The following NECAB3 variants were observed in gnomAD, a reference collection of about 807,000 sequenced individuals.
NECAB3 encodes the protein N-terminal EF-hand calcium binding protein 3, also known as N-terminal EF-hand calcium-binding protein 3.
NECAB3 carries 38 observed loss-of-function variants against 57.2 expected under a neutral mutation model. The ratio of observed to expected loss-of-function variants is 0.66; its 90% CI spans 0.51 to 0.87. The LOEUF is 0.87. NECAB3 is among the 40% of genes least tolerant of loss of function. NECAB3 has a pLI of 0.00. For missense variants in NECAB3, 474 were observed against 527.5 expected, an observed-to-expected ratio of 0.90 and a Z score of 0.99; for synonymous variants, 223 against 222.6, an observed-to-expected ratio of 1.00 and a Z score of -0.02.
In NECAB3 at chr20:33,663,712, G is replaced by C. The variant is rs745544415; in HGVS notation, c.388-3317C>G. ...GGTACTGCTGCTGCTGCGGCGGCAA[G>C]AGGCGCGGCGGCCGGAAGAGGGCGG... On this transcript the variant is annotated intron_variant, in intron 5 of 11. Coordinates refer to ENST00000246190, the MANE Select transcript of NECAB3 (RefSeq NM_031232.4). 2.6e-6 allele frequency: 4 copies of C among 1,530,000 alleles called. No homozygotes were observed. In the East Asian group the frequency reaches 9.7e-5, roughly 37 times the overall value. The allele number at this position is 1,530,000 out of a possible 1,614,324, so 94.8% of individuals were successfully genotyped here.
intron 1 of NECAB3, among the ~76,000 whole-genome samples, chr20:33,672,883 T>C (rs2017859338): frequency 6.6e-6 from 1 of 152,174 alleles, no homozygotes; most frequent in Non-Finnish European, 1.5e-5. Flanking sequence ...CTCTCTGAGC[T>C]GTTTCCTTGC....
chr20:33,663,234 G>A (rs1026250810), intron 5 of NECAB3: 10 of 472,210 alleles, frequency 2.1e-5, no homozygotes, highest in Non-Finnish European at 3.3e-5. Context: ...CCCTGACATA[G>A]GGCCTGGAAG....
At chr20:33,667,426 T>C (rs2017692219) in intron 5 of NECAB3, 1 of 1,410,452 alleles carries the variant, frequency 7.1e-7, no homozygotes, top group East Asian at 2.7e-5. Context: ...CGACTCGCCG[T>C]TGGCGCCGCC....
intron 5 of NECAB3, chr20:33,668,535 G>A (rs549665236): frequency 8.8e-6 from 3 of 342,568 alleles, no homozygotes; most frequent in South Asian, 2.3e-4. Context: ...ACAGATATGG[G>A]AGTTCCTCCA....
intron 5 of NECAB3, chr20:33,663,668 A>G: frequency 6.4e-7 from 1 of 1,573,094 alleles, no homozygotes; most frequent in South Asian, 1.1e-5. Context: ...GAAGGTAGCG[A>G]GCGCGAGCCG....
intron 5 of NECAB3, chr20:33,667,771 G>C: frequency 1.2e-6 from 2 of 1,612,538 alleles, no homozygotes; most frequent in South Asian, 1.1e-5. Context: ...CCTGGACTTC[G>C]AGGGCGACCT....
intron 5 of NECAB3, chr20:33,663,399 G>C (rs2017542818): frequency 2.0e-6 from 2 of 977,108 alleles, no homozygotes; most frequent in South Asian, 1.7e-5. Flanking sequence ...CCCTGTGCAC[G>C]AGAGGATGAC....
intron 5 of NECAB3, chr20:33,663,595 A>G (rs762199165): frequency 6.2e-7 from 1 of 1,611,244 alleles, no homozygotes; most frequent in Admixed American, 1.7e-5. Flanking sequence ...TGGGCAACGG[A>G]TTGACTACGC....
At position 33,660,344 on chromosome 20, in the gene NECAB3, G is replaced by A. The variant is rs756805849; in HGVS notation, c.439C>T (p.Arg147Trp). The A allele has an allele frequency of 4.3e-6, 7 of 1,613,408 alleles. No homozygotes were observed. The highest frequency in any genetic ancestry group is 1.3e-5 in the African/African-American group (1 of 74,926). Residue 147 changes from arginine to tryptophan, a missense_variant, in exon 6 of 12, where the codon CGG becomes TGG. Arg to Trp is a moderately radical substitution (Grantham distance 101). Coordinates refer to ENST00000246190, the MANE Select transcript of NECAB3 (RefSeq NM_031232.4). The surrounding 1 kb of genome is among the most constrained non-coding windows in gnomAD (Gnocchi z 4.1). The part of the protein sequence containing the change: ...VDQFVTRFLL[R>W]ETVSQLQALQ... ...GCTTGCAGCTGGCTCACCGTCTCCC[G>A]CAGCAGGAAGCGCGTCACAAACTGG...
chr20:33,663,374 A>AG, intron 5 of NECAB3: 1 of 741,604 alleles, frequency 1.3e-6, no homozygotes, highest in Non-Finnish European at 2.1e-6. Context: ...TGAATTGGAC[A>AG]GGGGTCCCCT....
chr20:33,661,426 G>A (rs1265857568), intron 5 of NECAB3, among the ~76,000 whole-genome samples: 15 of 152,176 alleles, frequency 9.9e-5, no homozygotes. Flanking sequence ...CCTCAGCTCA[G>A]CCATCGGATG....
intron 1 of NECAB3, among the ~76,000 whole-genome samples, chr20:33,673,005 G>C (rs569206979): frequency 3.2e-4 from 49 of 152,300 alleles, no homozygotes; most frequent in Middle Eastern, 3.4e-3. Flanking sequence ...CAGGGCTGGG[G>C]CTTCCTATGG....
chr20:33,663,735 C>T, intron 5 of NECAB3: 1 of 1,529,560 alleles, frequency 6.5e-7, no homozygotes. Context: ...CGGAAGAGGG[C>T]GGGGCCAGGG....
In NECAB3 at chr20:33,667,846, A is replaced by C. The variant is rs560049461; in HGVS notation, c.387+1529T>G. ...GGGTAACGGGTGCTGCGTCTGCCTC[A>C]GCAGTGAGCGCTTCCGCTGCCCCGA... On this transcript the variant is annotated intron_variant, in intron 5 of 11. Transcript: ENST00000246190. 4.3e-6 allele frequency: 7 copies of C among 1,609,252 alleles called. No individual in the cohort carries two copies. The South Asian group carries it at 6.6e-5, about 15-fold the overall frequency.
chr20:33,666,508 C>T (rs984604046), intron 5 of NECAB3: 4 of 152,380 alleles, frequency 2.6e-5, no homozygotes, highest in Non-Finnish European at 4.4e-5. Context: ...CAGGAACTTC[C>T]GTCAAGCCCA....
intron 5 of NECAB3, chr20:33,667,500 G>A (rs1354012375): frequency 1.3e-6 from 2 of 1,511,562 alleles, no homozygotes; most frequent in Non-Finnish European, 8.8e-7. Context: ...CGTGCCACAT[G>A]GCTAGCACCG....
intron 5 of NECAB3, chr20:33,666,809 AGG>A (rs2017666009): frequency 1.3e-5 from 2 of 152,310 alleles, no homozygotes; most frequent in African/African-American, 4.8e-5. Context: ...AGCCTGAACT[AGG>A]GGCCGGGCCT....
chr20:33,661,223 G>A (rs1460962597), intron 5 of NECAB3, among the ~76,000 whole-genome samples: 1 of 152,184 alleles, frequency 6.6e-6, no homozygotes, highest in Admixed American at 6.5e-5. Context: ...ATCGTCAAGT[G>A]TAATACAATA....
intron 5 of NECAB3, 171 bp downstream of exon 5, chr20:33,669,204 A>G (rs1017973154): frequency 6.5e-6 from 4 of 617,094 alleles, no homozygotes; most frequent in African/African-American, 5.5e-5. Flanking sequence ...TGGTTTACAG[A>G]TGAGGAAACA....
Sources: gnomAD v4.1 joint callset for allele counts (sites outside exome capture counted in the v4.1 genomes callset) on GRCh38, gnomAD v4.1.1 for gene constraint, Gnocchi (gnomAD v3.1) non-coding constraint, MANE v1.5 for transcripts, NCBI Gene and HGNC (gene_info 2026-07-23, HGNC 2026-07-21) for gene names.